The following NDUFAF6 variants were observed in gnomAD, a reference collection of about 807,000 sequenced individuals.
NDUFAF6 encodes the protein NADH dehydrogenase (ubiquinone) complex I, assembly factor 6.
A neutral mutation model predicts 40.8 loss-of-function variants in NDUFAF6; 45 were observed. The observed-to-expected ratio is 1.10, with a 90% CI of 0.87 to 1.42. The LOEUF is 1.42. NDUFAF6 is among the 40% of genes most tolerant of loss of function. The pLI, the probability that NDUFAF6 is intolerant of heterozygous loss-of-function variation, is 0.00. For missense variants in NDUFAF6, 435 were observed against 418.5 expected, an observed-to-expected ratio of 1.04 and a Z score of -0.34; for synonymous variants, 185 against 155.9, an observed-to-expected ratio of 1.19 and a Z score of -1.39.
chr8:95,023,989 C>CAA (rs35426799), upstream of NDUFAF6, among the ~76,000 whole-genome samples: 1,028 of 124,356 alleles, frequency 8.3e-3, 13 homozygotes, highest in African/African-American at 0.026. Flanking sequence ...GACTCTGTCT[C>CAA]AAAAAAAAAA....
intron 4 of NDUFAF6, among the ~76,000 whole-genome samples, chr8:95,109,617 G>C (rs78004358): frequency 0.016 from 2,142 of 135,328 alleles, 51 homozygotes; most frequent in African/African-American, 0.055. Flanking sequence ...GAGAGAGAGA[G>C]AGACCTTCAT....
At chr8:94,963,982 T>C (rs1823807052) in intron 1 of NDUFAF6, among the ~76,000 whole-genome samples, 1 of 152,180 alleles carries the variant, frequency 6.6e-6, no homozygotes, top group Non-Finnish European at 1.5e-5. Flanking sequence ...GTCATCTTAG[T>C]CCTTCCTGGG....
At chr8:94,925,738 C>G (rs893642235) in intron 1 of NDUFAF6, among the ~76,000 whole-genome samples, 3 of 152,122 alleles carry the variant, frequency 2.0e-5, no homozygotes, top group Non-Finnish European at 4.4e-5. Flanking sequence ...CAGGGTTTTG[C>G]CATGTTGGCC....
chr8:95,035,063 T>A (rs1319966019), intron 2 of NDUFAF6, among the ~76,000 whole-genome samples: 1 of 152,044 alleles, frequency 6.6e-6, no homozygotes, highest in African/African-American at 2.4e-5. Flanking sequence ...GTATTTTTAG[T>A]AGAGACGGGG....
downstream of NDUFAF6, chr8:95,058,809 A>G: frequency 1.0e-6 from 1 of 977,576 alleles, no homozygotes; most frequent in Non-Finnish European, 1.2e-6. Flanking sequence ...AAAACCTGTG[A>G]AATGAGGCAC....
intron 1 of NDUFAF6, among the ~76,000 whole-genome samples, chr8:94,935,925 A>G (rs904481619): frequency 7.9e-5 from 12 of 152,202 alleles, no homozygotes; most frequent in Admixed American, 5.9e-4. Flanking sequence ...CTTCATGACA[A>G]TATTAACTGG....
chr8:94,996,153 C>T (rs957241730), intron 2 of NDUFAF6, among the ~76,000 whole-genome samples: 1 of 152,126 alleles, frequency 6.6e-6, no homozygotes, highest in African/African-American at 2.4e-5. Context: ...TTAAACTGAC[C>T]CTGGGTCAGG....
At chr8:94,947,787 A>C (rs1283017630) in intron 2 of NDUFAF6, among the ~76,000 whole-genome samples, 7 of 152,370 alleles carry the variant, frequency 4.6e-5, no homozygotes, top group African/African-American at 1.7e-4. Flanking sequence ...CAATGGCAGG[A>C]AAGAACAAAA....
intron 2 of NDUFAF6, among the ~76,000 whole-genome samples, chr8:95,088,663 T>C (rs1809131333): frequency 6.6e-6 from 1 of 151,936 alleles, no homozygotes; most frequent in Non-Finnish European, 1.5e-5. Context: ...TTAGGTTAAT[T>C]TCAGCCAAGT....
At chr8:94,951,983 G>T (rs1822664679) in intron 2 of NDUFAF6, among the ~76,000 whole-genome samples, 1 of 152,244 alleles carries the variant, frequency 6.6e-6, no homozygotes, top group Non-Finnish European at 1.5e-5. Context: ...CAGATCCAGT[G>T]AATCCAACCA....
chr8:94,922,720 C>A (rs576096654), intron 1 of NDUFAF6, among the ~76,000 whole-genome samples: 75 of 152,120 alleles, frequency 4.9e-4, no homozygotes, highest in Non-Finnish European at 9.8e-4. Flanking sequence ...CTCAGGTGAT[C>A]CACCCACCTC....
chr8:95,091,866 T>C (rs962386171), intron 2 of NDUFAF6, among the ~76,000 whole-genome samples: 1 of 147,900 alleles, frequency 6.8e-6, no homozygotes, highest in African/African-American at 2.5e-5. Context: ...TCTCAAACTC[T>C]TGGTCTCAAG....
downstream of NDUFAF6, among the ~76,000 whole-genome samples, chr8:95,060,520 G>C (rs1324830349): frequency 6.6e-6 from 1 of 152,186 alleles, no homozygotes; most frequent in Non-Finnish European, 1.5e-5. Context: ...GAATTCTTGA[G>C]AAATGTAACT....
intron 1 of NDUFAF6, among the ~76,000 whole-genome samples, chr8:94,899,146 G>A (rs893049805): frequency 3.3e-5 from 5 of 152,148 alleles, no homozygotes; most frequent in Non-Finnish European, 5.9e-5. Context: ...TCAACCGCCC[G>A]CCTCGGCCTC....
upstream of NDUFAF6, among the ~76,000 whole-genome samples, chr8:95,097,654 A>G (rs894741085): frequency 3.3e-5 from 5 of 152,344 alleles, no homozygotes; most frequent in South Asian, 6.2e-4. Flanking sequence ...AACTGAGATC[A>G]CGCCATTGCA....
intron 2 of NDUFAF6, among the ~76,000 whole-genome samples, chr8:94,994,534 GA>G (rs199859068): frequency 2.6e-3 from 346 of 135,332 alleles, no homozygotes; most frequent in East Asian, 0.014. Context: ...CATCTCAAAG[GA>G]AAAAAAAAAA....
downstream of NDUFAF6, among the ~76,000 whole-genome samples, chr8:95,106,167 C>T (rs764237615): frequency 9.9e-5 from 15 of 151,360 alleles, no homozygotes; most frequent in Non-Finnish European, 1.3e-4. Flanking sequence ...CCCAGCTACC[C>T]GGGAGGCTGA....
chr8:95,041,617 C>A lies in NDUFAF6; in HGVS notation c.468C>A (p.Val156=). ...CTAAAAGATGGCTTATGAAAATCGT[C>A]GATGAAAGAGTGAGTCAAAATTGTT... ...NLTKRWLMKI[V]DEREKNLDDK... Residue 156 remains valine (V), a synonymous_variant, in exon 4 of 9, where the codon GTC becomes GTA. Coordinates refer to ENST00000396124, the MANE Select transcript of NDUFAF6 (RefSeq NM_152416.4). 1.2e-6 allele frequency: 2 copies of A among 1,611,746 alleles called. No homozygotes were observed. The highest frequency in any genetic ancestry group is 1.1e-5 in the South Asian group (1 of 91,002).
At chr8:95,111,847 CATATATT>C (rs1340001075) in intron 4 of NDUFAF6, among the ~76,000 whole-genome samples, 3 of 152,134 alleles carry the variant, frequency 2.0e-5, no homozygotes, top group Admixed American at 2.0e-4. Context: ...TACAAATGAC[CATATATT>C]ATATGAGTTT....
Sources: gnomAD v4.1 joint callset for allele counts (sites outside exome capture counted in the v4.1 genomes callset) on GRCh38, gnomAD v4.1.1 for gene constraint, MANE v1.5 for transcripts, NCBI Gene and HGNC (gene_info 2026-07-23, HGNC 2026-07-21) for gene names.